TPR: variants seen among roughly 807,000 people sequenced by gnomAD.
TPR encodes the protein translocated promoter region, nuclear basket protein.
A neutral mutation model predicts 316.1 loss-of-function variants in TPR; 51 were observed. The ratio of observed to expected loss-of-function variants is 0.16; its 90% CI spans 0.13 to 0.20. The LOEUF (loss-of-function observed/expected upper bound fraction) is 0.20. Among genes scored for constraint, TPR ranks in the 10% least tolerant of loss-of-function variants. The pLI is 1.00. For synonymous variants in TPR, 981 were observed against 914.7 expected (o/e 1.07, Z -1.31); for missense variants, 2,272 against 2,754.8 (o/e 0.82, Z 3.92).
chr1:186,332,985 T>C (rs1242837726), intron 37 of TPR, 137 bp downstream of exon 37: 1 of 1,029,670 alleles, frequency 9.7e-7, no homozygotes, highest in African/African-American at 1.6e-5. Context: ...ACGTATTATA[T>C]CCAAGATATT....
chr1:186,345,932 T>C (rs1401247269), intron 23 of TPR, among the ~76,000 whole-genome samples: 1 of 152,192 alleles, frequency 6.6e-6, no homozygotes, highest in Non-Finnish European at 1.5e-5. Flanking sequence ...GAACCAGTGA[T>C]ACCTATTTCT....
Position 186,320,337 on chromosome 1 carries a change from A to G in TPR, c.6543T>C (p.Asp2181=), listed in dbSNP as rs1374745658. 37 of 1,612,448 alleles carry G rather than the reference A, an allele frequency of 2.3e-5. No homozygotes were observed. The highest frequency in any genetic ancestry group is 8.0e-5 in the African/African-American group (6 of 74,890). ...CTCCTTGAGAAGCAAGCTGGCCAAG[A>G]TCAGAGTGACTAGAACTTGTTTGTG... ...DMPQTSSSHS[D]LGQLASQGGL... The change falls in exon 46 of 51, where the codon GAT becomes GAC. Residue 2181 remains aspartate (D), a synonymous_variant. Coordinates refer to ENST00000367478, the MANE Select transcript of TPR (RefSeq NM_003292.3).
In TPR at chr1:186,360,913, A is replaced by G; in HGVS notation, c.959-8T>C. On this transcript the variant is annotated splice_polypyrimidine_tract_variant and splice_region_variant and intron_variant, in intron 9 of 50. Coordinates refer to ENST00000367478, the MANE Select transcript of TPR (RefSeq NM_003292.3). ...CTTGTATTGCTTTGTTGGCTAAAAAACAATTTTAAAGACCAAATATTCAAA... is the reference window on the plus strand; with the variant it reads ...CTTGTATTGCTTTGTTGGCTAAAAAGCAATTTTAAAGACCAAATATTCAAA... The G allele has an allele frequency of 6.2e-7, 1 of 1,603,760 alleles. No homozygotes were observed. The highest frequency in any genetic ancestry group is 2.2e-5 in the East Asian group (1 of 44,688).
chr1:186,317,198 T>C (rs772602932), intron 49 of TPR, among the ~76,000 whole-genome samples: 3 of 152,234 alleles, frequency 2.0e-5, no homozygotes, highest in Non-Finnish European at 2.9e-5. Flanking sequence ...CCAAGAGCTC[T>C]ACAAAACATA....
chr1:186,313,055 T>A lies in TPR; in HGVS notation c.*916A>T, dbSNP rs1657402993. On this transcript the variant is annotated 3_prime_UTR_variant, in exon 51 of 51. Coordinates refer to ENST00000367478, the MANE Select transcript of TPR (RefSeq NM_003292.3). ...AAGAGTTAAGACTTTTGCTTTAATT[T>A]CAATTAAAATGATGGCACTGCAATT... The A allele has an allele frequency of 1.4e-6, 1 of 736,748 alleles. No homozygotes were observed. Among genetic ancestry groups the A allele is most frequent in the Non-Finnish European group, 2.2e-6 (1 of 447,698 alleles). 45.6% of individuals were successfully genotyped at this position (736,748 alleles called of 1,614,324 possible).
Position 186,337,014 on chromosome 1 carries a change from T to G in TPR, c.4505A>C (p.Lys1502Thr), listed in dbSNP as rs1658358302. ...AACAGACTGTTCTCACACTCATACC[T>G]TCTGCAGATTCTCTACTTGACTTTC... The part of the protein sequence containing the change: ...SLESQVENLQ[K>T]TLSEKETEAR... The change falls in exon 32 of 51, where the codon AAG (lysine) becomes ACG (threonine). Residue 1502 changes from lysine to threonine, a missense_variant and splice_region_variant. Physicochemically the swap from Lys to Thr is moderately conservative, Grantham distance 78 (BLOSUM62 -1). Transcript: ENST00000367478. The G allele has an allele frequency of 6.2e-7, 1 of 1,613,682 alleles. No individual in the cohort carries two copies. Among genetic ancestry groups the G allele is most frequent in the African/African-American group, 1.3e-5 (1 of 74,922 alleles).
At chr1:186,320,535 G>T in intron 45 of TPR, 117 bp from the exon 46 acceptor site, 1 of 824,872 alleles carries the variant, frequency 1.2e-6, no homozygotes, top group South Asian at 2.2e-5. Flanking sequence ...GAAGGAAACA[G>T]ATTGAAAATA....
rs1439963230 is a variant in TPR, at chr1:186,321,805, CAAG to C, written c.6461+510_6461+512del. 5.3e-5 allele frequency among the ~76,000 whole-genome samples: 8 copies of C among 152,156 alleles called. No individual in the cohort carries two copies. In the South Asian group the frequency reaches 1.0e-3, roughly 20 times the overall value. On this transcript the variant is annotated intron_variant, in intron 45 of 50. Coordinates refer to ENST00000367478, the MANE Select transcript of TPR (RefSeq NM_003292.3). ...TAGTTGCTCATTTGCTTAGCTTTCA[CAAG>C]AATACTATAAATTATGATCATTGTA...
rs367833573 is a variant in TPR, at chr1:186,332,182, G to C, written c.5604+13C>G. The C allele has an allele frequency of 3.8e-6, 6 of 1,597,428 alleles. No homozygotes were observed. Among genetic ancestry groups the C allele is most frequent in the Non-Finnish European group, 5.1e-6 (6 of 1,172,694 alleles). On this transcript the variant is annotated intron_variant, in intron 38 of 50. Transcript: ENST00000367478. Reference sequence around the variant, plus strand: ...TGGTAAAAGTTAAAATACACAGAAAGAACTTTACGCACCTCAGTTCCTACA... The same window carrying C: ...TGGTAAAAGTTAAAATACACAGAAACAACTTTACGCACCTCAGTTCCTACA...
intron 1 of TPR, 91 bp downstream of exon 1, chr1:186,374,787 C>A (rs1659657533): frequency 7.4e-7 from 1 of 1,352,522 alleles, no homozygotes; most frequent in Non-Finnish European, 1.0e-6. Flanking sequence ...GTTAACAGAG[C>A]GGTACCCAGT....
At position 186,361,608 on chromosome 1, in the gene TPR, C is replaced by T; in HGVS notation, c.958+14G>A. On this transcript the variant is annotated intron_variant, in intron 9 of 50. Transcript: ENST00000367478. The stretch of plus-strand genomic sequence containing the variant: ...AATAACAAAAATAATGTTCCCATAA[C>T]TGAAAACACTTACCTTCACCAGCTT... 1.2e-6 allele frequency: 2 copies of T among 1,608,124 alleles called. No homozygotes were observed. Among genetic ancestry groups the T allele is most frequent in the Non-Finnish European group, 1.7e-6 (2 of 1,175,486 alleles).
intron 36 of TPR, among the ~76,000 whole-genome samples, chr1:186,333,771 A>G (rs1480424927): frequency 1.3e-5 from 2 of 152,186 alleles, no homozygotes; most frequent in African/African-American, 4.8e-5. Context: ...TATTGGATGT[A>G]GCTGAAATAA....
Position 186,317,505 on chromosome 1 carries a change from T to G in TPR, c.6917A>C (p.Asp2306Ala). ...DESDLPSTSQ[D>A]PPSSSSVDTS... ...ACCTACAGATGAGCTAGAAGGAGGA[T>G]CCTGGCTGGTGGAGGGGAGATCTGA... The change falls in exon 49 of 51, where the codon GAT (aspartate) becomes GCT (alanine). Residue 2306 changes from aspartate to alanine, a missense_variant. This residue lies in a region of TPR where 123 missense variants were observed against 142.3 expected (regional missense o/e 0.86). Transcript: ENST00000367478. 6.2e-7 allele frequency: 1 copy of G among 1,614,126 alleles called. No individual in the cohort carries two copies. Among genetic ancestry groups the G allele is most frequent in the South Asian group, 1.1e-5 (1 of 91,088 alleles).
intron 44 of TPR, 27 bp downstream of exon 44, chr1:186,322,491 A>T: frequency 6.2e-7 from 1 of 1,613,490 alleles, no homozygotes; most frequent in African/African-American, 1.3e-5. Context: ...GAAATGAATT[A>T]CTTTTACATA....
chr1:186,362,212 A>G (rs1371242051), intron 7 of TPR, 76 bp downstream of exon 7: 1 of 1,224,460 alleles, frequency 8.2e-7, no homozygotes, highest in African/African-American at 1.5e-5. Context: ...TTAAAAAATG[A>G]CATCATTTTG....
At chr1:186,371,940 G>T (rs2101994648) in intron 2 of TPR, among the ~76,000 whole-genome samples, 1 of 152,102 alleles carries the variant, frequency 6.6e-6, no homozygotes, top group Non-Finnish European at 1.5e-5. Flanking sequence ...TCTTCTCCCA[G>T]ATCTCGTAAA....
Position 186,358,642 on chromosome 1 carries a change from C to T in TPR, c.1398G>A (p.Gln466=), listed in dbSNP as rs1277066824. 1 of 1,611,044 alleles carries T rather than the reference C, an allele frequency of 6.2e-7. No individual in the cohort carries two copies. The highest frequency in any genetic ancestry group is 8.5e-7 in the Non-Finnish European group (1 of 1,178,902). Residue 466 remains glutamine, a synonymous_variant, in exon 13 of 51, where the codon CAG becomes CAA. Coordinates refer to ENST00000367478, the MANE Select transcript of TPR (RefSeq NM_003292.3). ...VKLEQAMKEI[Q]RLQEDTDKAN... is the part of the protein sequence containing the mutation. ...CTTTATCAGTGTCCTCCTGCAATCG[C>T]TGAATCTCCTTTAAAATGTAAATTC...
At chr1:186,333,097 G>T in intron 37 of TPR, 25 bp downstream of exon 37, 2 of 1,609,978 alleles carry the variant, frequency 1.2e-6, no homozygotes, top group South Asian at 2.2e-5. Flanking sequence ...GGTCTACTCT[G>T]ACTTCATTTT....
intron 17 of TPR, among the ~76,000 whole-genome samples, chr1:186,354,331 G>A (rs911733170): frequency 6.6e-6 from 1 of 152,078 alleles, no homozygotes; most frequent in Non-Finnish European, 1.5e-5. Flanking sequence ...TAATGACAAT[G>A]CAATATTGAT....
Sources: gnomAD v4.1 joint callset for allele counts (sites outside exome capture counted in the v4.1 genomes callset) on GRCh38, gnomAD v4.1.1 for gene constraint, gnomAD v4.1.1 regional missense constraint, MANE v1.5 for transcripts, NCBI Gene and HGNC (gene_info 2026-07-23, HGNC 2026-07-21) for gene names.